TIAM2: variants seen among roughly 807,000 people sequenced by gnomAD.
The protein encoded by TIAM2 is TIAM Rac1 associated GEF 2, also known as rho guanine nucleotide exchange factor TIAM2.
TIAM2 carries 80 observed loss-of-function variants against 152.9 expected under a neutral mutation model. That is an observed-to-expected ratio of 0.52 (90% CI 0.44 to 0.63). The LOEUF (loss-of-function observed/expected upper bound fraction) is 0.63. Among genes scored for constraint, TIAM2 ranks in the 30% least tolerant of loss-of-function variants. The probability of loss-of-function intolerance (pLI) is 0.00; values close to 1 mark genes in which losing one functional copy is unlikely to be tolerated. For synonymous variants in TIAM2, 804 were observed against 838.0 expected, an observed-to-expected ratio of 0.96 and a Z score of 0.70; for missense variants, 1,965 against 2,120.1, an observed-to-expected ratio of 0.93 and a Z score of 1.44.
chr6:155,254,198 G>A (rs183943176), intron 25 of TIAM2, 138 bp downstream of exon 25: 3 of 1,028,178 alleles, frequency 2.9e-6, no homozygotes, highest in Admixed American at 2.7e-5. Context: ...AGGCAACTGA[G>A]GCCGCTAGTA....
chr6:155,232,365 A>G (rs1782515045), intron 15 of TIAM2, among the ~76,000 whole-genome samples: 1 of 152,030 alleles, frequency 6.6e-6, no homozygotes, highest in Admixed American at 6.6e-5. Context: ...GAGATTATTT[A>G]GTAGTGCAGC....
chr6:155,029,742 C>CTATATATATATATATATATA (rs60980296), intron 1 of TIAM2, among the ~76,000 whole-genome samples: 32 of 126,582 alleles, frequency 2.5e-4, no homozygotes, highest in African/African-American at 9.4e-4. Flanking sequence ...TAGTATATAA[C>CTATATATATATATATATATA]TATATATATA....
chr6:155,064,604 T>C (rs2114943287), intron 1 of TIAM2, among the ~76,000 whole-genome samples: 1 of 152,300 alleles, frequency 6.6e-6, no homozygotes, highest in South Asian at 2.1e-4. Flanking sequence ...GGTTTCTCAA[T>C]GAGGGCAAAA....
chr6:155,045,395 C>T (rs1777153142), intron 1 of TIAM2, among the ~76,000 whole-genome samples: 1 of 152,112 alleles, frequency 6.6e-6, no homozygotes, highest in Non-Finnish European at 1.5e-5. Flanking sequence ...TTCTTCAAAA[C>T]AGCTTGGTCT....
intron 15 of TIAM2, chr6:155,232,717 G>A (rs1782536790): frequency 8.9e-6 from 1 of 112,024 alleles, no homozygotes; most frequent in Non-Finnish European, 2.1e-5. Flanking sequence ...GAGGGAGAGG[G>A]ATCTCCCGCC....
chr6:155,131,516 T>A (rs1276617324), intron 4 of TIAM2, among the ~76,000 whole-genome samples: 2 of 152,218 alleles, frequency 1.3e-5, no homozygotes, highest in East Asian at 3.9e-4. Flanking sequence ...GAAATTAAAA[T>A]TTCTATGCTT....
chr6:155,163,697 T>C (rs1288973272), intron 7 of TIAM2, among the ~76,000 whole-genome samples: 1 of 152,254 alleles, frequency 6.6e-6, no homozygotes, highest in Non-Finnish European at 1.5e-5. Flanking sequence ...AAGTCATTGC[T>C]TTTATTTATC....
At chr6:155,255,434 T>C (rs182259342) in intron 26 of TIAM2, 1 of 152,334 alleles carries the variant, frequency 6.6e-6, no homozygotes, top group African/African-American at 2.4e-5. Flanking sequence ...GTTTTTAGGC[T>C]TAGAAAATGT....
intron 2 of TIAM2, among the ~76,000 whole-genome samples, chr6:155,123,138 A>G (rs1213762020): frequency 6.6e-6 from 1 of 151,608 alleles, no homozygotes; most frequent in Non-Finnish European, 1.5e-5. Flanking sequence ...CTGTCAATAA[A>G]TTTCTCATAA....
intron 15 of TIAM2, among the ~76,000 whole-genome samples, chr6:155,225,729 G>A (rs1487077493): frequency 6.6e-6 from 1 of 152,206 alleles, no homozygotes; most frequent in Non-Finnish European, 1.5e-5. Flanking sequence ...ATTTCTGTTA[G>A]AAGTCAGTGT....
At chr6:155,182,663 G>A (rs1583234927) in intron 13 of TIAM2, among the ~76,000 whole-genome samples, 1 of 152,258 alleles carries the variant, frequency 6.6e-6, no homozygotes, top group East Asian at 1.9e-4. Flanking sequence ...GAGCATGTGT[G>A]TGTGTGTGTT....
chr6:155,001,326 C>T (rs987212064), intron 1 of TIAM2, among the ~76,000 whole-genome samples: 2 of 152,202 alleles, frequency 1.3e-5, no homozygotes, highest in African/African-American at 4.8e-5. Context: ...GATTTGAATC[C>T]AGGTCTGTCT....
Position 155,010,529 on chromosome 6 carries a change from C to T in TIAM2, c.-209+15037C>T, listed in dbSNP as rs377007519. Reference sequence around the variant, plus strand: ...GGAGTGCAATGGCACGATCTCGGCTCACTGCAGCCTGTGCCTCCTGGGTTC... The same window carrying T: ...GGAGTGCAATGGCACGATCTCGGCTTACTGCAGCCTGTGCCTCCTGGGTTC... On this transcript the variant is annotated intron_variant, in intron 1 of 26. Transcript: ENST00000682666. 2.0e-5 allele frequency among the ~76,000 whole-genome samples: 3 copies of T among 152,180 alleles called. No individual in the cohort carries two copies. The South Asian group carries it at 6.2e-4, about 31-fold the overall frequency.
At chr6:155,134,864 C>T (rs1191802338) in intron 4 of TIAM2, among the ~76,000 whole-genome samples, 1 of 152,144 alleles carries the variant, frequency 6.6e-6, no homozygotes, top group Non-Finnish European at 1.5e-5. Flanking sequence ...TGCCGCCGCA[C>T]CTGGCTAATT....
intron 2 of TIAM2, among the ~76,000 whole-genome samples, chr6:155,099,206 A>ATG (rs1562315382): frequency 1.2e-4 from 12 of 98,660 alleles, no homozygotes; most frequent in Non-Finnish European, 2.2e-4. Context: ...TCTCATCTAT[A>ATG]TGTGTATATA....
intron 1 of TIAM2, among the ~76,000 whole-genome samples, chr6:155,044,814 C>T (rs1353618428): frequency 6.8e-6 from 1 of 147,606 alleles, no homozygotes. Context: ...GGCGACAGAG[C>T]AAGACTCTGT....
intron 1 of TIAM2, among the ~76,000 whole-genome samples, chr6:155,011,457 A>G (rs1054587478): frequency 6.6e-6 from 1 of 152,226 alleles, no homozygotes. Context: ...AGTGTGAGAT[A>G]TTTATTTTGA....
chr6:155,164,932 G>A (rs906491764), intron 8 of TIAM2, among the ~76,000 whole-genome samples: 6 of 152,282 alleles, frequency 3.9e-5, no homozygotes, highest in East Asian at 1.9e-4. Context: ...ATGGATTAAA[G>A]GTTGTTTTCT....
At chr6:155,107,896 G>A (rs1778738011) in intron 2 of TIAM2, among the ~76,000 whole-genome samples, 1 of 152,176 alleles carries the variant, frequency 6.6e-6, no homozygotes, top group African/African-American at 2.4e-5. Flanking sequence ...GAGGAGCCCT[G>A]GCTTTGGTGT....
Sources: gnomAD v4.1 joint callset for allele counts (sites outside exome capture counted in the v4.1 genomes callset) on GRCh38, gnomAD v4.1.1 for gene constraint, MANE v1.5 for transcripts, NCBI Gene and HGNC (gene_info 2026-07-23, HGNC 2026-07-21) for gene names.